USO1: variants seen among roughly 807,000 people sequenced by gnomAD.
The protein encoded by USO1 is USO1 vesicle transport factor, also known as general vesicular transport factor p115.
A neutral mutation model predicts 124.5 loss-of-function variants in USO1; 57 were observed. That is an observed-to-expected ratio of 0.46 (90% CI 0.37 to 0.57). The LOEUF is 0.57. USO1 is among the 20% of genes least tolerant of loss of function. The pLI is 0.00. For missense variants in USO1, 900 were observed against 1,040.6 expected (o/e 0.86, Z 1.86); for synonymous variants, 369 against 362.8 (o/e 1.02, Z -0.19).
intron 14 of USO1, 107 bp downstream of exon 14, chr4:75,799,839 T>C: frequency 7.5e-7 from 1 of 1,326,508 alleles, no homozygotes; most frequent in Non-Finnish European, 1.0e-6. Flanking sequence ...TTCTCCACTA[T>C]CTTATCTGTG....
At chr4:75,780,210 A>G (rs902974534) in intron 8 of USO1, among the ~76,000 whole-genome samples, 1 of 152,160 alleles carries the variant, frequency 6.6e-6, no homozygotes, top group Admixed American at 6.6e-5. Flanking sequence ...ATTACTTCTC[A>G]TTGACAATGC....
At chr4:75,728,291 A>G (rs1720523282) in intron 1 of USO1, among the ~76,000 whole-genome samples, 2 of 151,852 alleles carry the variant, frequency 1.3e-5, no homozygotes, top group African/African-American at 2.4e-5. Context: ...TATAGTATCT[A>G]GCTTTTCATA....
intron 9 of USO1, among the ~76,000 whole-genome samples, chr4:75,785,776 T>G (rs1189348554): frequency 6.6e-6 from 1 of 152,114 alleles, no homozygotes; most frequent in Non-Finnish European, 1.5e-5. Context: ...TCAAAAAATA[T>G]CAAGTGGAGA....
At chr4:75,790,359 A>G in intron 11 of USO1, 121 bp downstream of exon 11, 1 of 1,307,760 alleles carries the variant, frequency 7.6e-7, no homozygotes, top group South Asian at 1.6e-5. Context: ...GGAACTAGAA[A>G]TTATCTGACA....
chr4:75,810,358 TTAAA>T (rs777136889), intron 21 of USO1, 70 bp from the exon 22 acceptor site: 90 of 1,438,938 alleles, frequency 6.3e-5, no homozygotes, highest in Non-Finnish European at 7.7e-5. Context: ...GGCAAAAAAA[TTAAA>T]TAACCCTTTG....
In USO1 at chr4:75,743,553, A is replaced by G. The variant is rs28715546; in HGVS notation, c.67-8820A>G. Among the ~76,000 whole-genome samples the G allele has an allele frequency of 5.7e-3, 864 of 152,142 alleles. 11 individuals carry two copies. The highest frequency in any genetic ancestry group is 0.051 in the South Asian group (245 of 4,814). Reference sequence around the variant, plus strand: ...TAATATATTCTGTCTCTTTGCCATTATAGTTTCATTAGAATAGGTACCTTC... The same window carrying G: ...TAATATATTCTGTCTCTTTGCCATTGTAGTTTCATTAGAATAGGTACCTTC... On this transcript the variant is annotated intron_variant, in intron 1 of 23. Coordinates refer to ENST00000514213, the MANE Select transcript of USO1 (RefSeq NM_003715.4).
Position 75,813,888 on chromosome 4 carries a change from C to G in USO1, c.*593C>G, listed in dbSNP as rs181969451. 4 of 152,148 alleles carry G rather than the reference C, an allele frequency of 2.6e-5. No individual in the cohort carries two copies. Among genetic ancestry groups the G allele is most frequent in the African/African-American group, 9.7e-5 (4 of 41,432 alleles). The allele number at this position is 152,148 out of a possible 1,614,324, so 9.4% of individuals were successfully genotyped here. On this transcript the variant is annotated 3_prime_UTR_variant, in exon 24 of 24. Coordinates refer to ENST00000514213, the MANE Select transcript of USO1 (RefSeq NM_003715.4). ...GCATTCCATACCTCAGTGAAGAAGC[C>G]GAAGGATGCTGACACACAGTGATGT...
At chr4:75,735,476 A>G (rs2149139879) in intron 1 of USO1, among the ~76,000 whole-genome samples, 1 of 152,166 alleles carries the variant, frequency 6.6e-6, no homozygotes, top group African/African-American at 2.4e-5. Flanking sequence ...TTTTAAGTGT[A>G]CTTTCACCAT....
At chr4:75,795,239 T>C in intron 13 of USO1, 1 of 687,074 alleles carries the variant, frequency 1.5e-6, no homozygotes, top group Admixed American at 2.1e-5. Context: ...CTTGAGTTTG[T>C]AGAGAGACTA....
intron 8 of USO1, 26 bp from the exon 9 acceptor site, chr4:75,782,654 G>C (rs759321707): frequency 2.0e-6 from 3 of 1,526,254 alleles, no homozygotes; most frequent in South Asian, 2.5e-5. Flanking sequence ...GAGCCTTAAC[G>C]CTTGTGTTTT....
rs1459141422 is a variant in USO1, at chr4:75,768,567, C to T, written c.296-1872C>T. 2.6e-5 allele frequency among the ~76,000 whole-genome samples: 4 copies of T among 152,216 alleles called. No individual in the cohort carries two copies. The East Asian group carries it at 5.8e-4, about 22-fold the overall frequency. ...CCATAGGATTTTCCTCATAGACAAA[C>T]ATGTCATCTGTAAATAAAGACAGTT... On this transcript the variant is annotated intron_variant, in intron 4 of 23. Coordinates refer to ENST00000514213, the MANE Select transcript of USO1 (RefSeq NM_003715.4).
chr4:75,738,859 G>T (rs1013872295), intron 1 of USO1, among the ~76,000 whole-genome samples: 1 of 151,636 alleles, frequency 6.6e-6, no homozygotes, highest in African/African-American at 2.4e-5. Context: ...TGTTTGTTTT[G>T]TTTGGTTTAT....
chr4:75,810,202 GCA>G (rs1723106401), intron 21 of USO1, among the ~76,000 whole-genome samples: 1 of 152,176 alleles, frequency 6.6e-6, no homozygotes, highest in Non-Finnish European at 1.5e-5. Flanking sequence ...CTACCTTGAG[GCA>G]CCTTAGCCCA....
chr4:75,811,901 T>TA (rs1438754036), intron 22 of USO1, among the ~76,000 whole-genome samples: 1 of 152,166 alleles, frequency 6.6e-6, no homozygotes, highest in Non-Finnish European at 1.5e-5. Context: ...TTAAGTCTCT[T>TA]AAAGGTTTTT....
At chr4:75,737,596 G>A (rs777451617) in intron 1 of USO1, among the ~76,000 whole-genome samples, 32 of 152,092 alleles carry the variant, frequency 2.1e-4, no homozygotes, top group Non-Finnish European at 3.8e-4. Flanking sequence ...TTGTTAGACT[G>A]AGGTGGGAAA....
Position 75,800,771 on chromosome 4 carries a change from G to A in USO1, c.1836G>A (p.Glu612=), listed in dbSNP as rs750825896. 1.9e-6 allele frequency: 3 copies of A among 1,613,306 alleles called. No individual in the cohort carries two copies. Among genetic ancestry groups the A allele is most frequent in the Middle Eastern group, 1.7e-4 (1 of 6,054 alleles). ...CAGAATACATGATATTTGATCATGA[G>A]TTTACGAAGCTGGTAAAAGAACTTG... ...PSPEYMIFDH[E]FTKLVKELEG... The change falls in exon 16 of 24, where the codon GAG becomes GAA. Residue 612 remains glutamate (E), a synonymous_variant. Coordinates refer to ENST00000514213, the MANE Select transcript of USO1 (RefSeq NM_003715.4).
intron 21 of USO1, among the ~76,000 whole-genome samples, chr4:75,809,697 C>T (rs1264205158): frequency 6.6e-6 from 1 of 152,166 alleles, no homozygotes; most frequent in African/African-American, 2.4e-5. Context: ...ACCAAAAGCA[C>T]CTTTAACATT....
chr4:75,788,508 C>T (rs1271633301), intron 10 of USO1, among the ~76,000 whole-genome samples: 1 of 151,066 alleles, frequency 6.6e-6, no homozygotes, highest in Non-Finnish European at 1.5e-5. Flanking sequence ...GGTTCATTAA[C>T]TTTATTTTTC....
intron 1 of USO1, among the ~76,000 whole-genome samples, chr4:75,726,653 A>G (rs1438422519): frequency 6.6e-6 from 1 of 152,180 alleles, no homozygotes; most frequent in Non-Finnish European, 1.5e-5. Flanking sequence ...CTTTCATTTG[A>G]AAATCACTTT....
Sources: gnomAD v4.1 joint callset for allele counts (sites outside exome capture counted in the v4.1 genomes callset) on GRCh38, gnomAD v4.1.1 for gene constraint, MANE v1.5 for transcripts, NCBI Gene and HGNC (gene_info 2026-07-23, HGNC 2026-07-21) for gene names.